The following WDR72 variants were observed in gnomAD, a reference collection of about 807,000 sequenced individuals.
WDR72 encodes the protein WD repeat domain 72, also known as WD repeat-containing protein 72.
WDR72 carries 120 observed loss-of-function variants against 124.2 expected under a neutral mutation model. The ratio of observed to expected loss-of-function variants is 0.97; its 90% CI spans 0.83 to 1.12. The LOEUF (loss-of-function observed/expected upper bound fraction) is 1.12, where lower values mean the gene tolerates loss of function less well. Among genes scored for constraint, WDR72 ranks in the 50% most tolerant of loss-of-function variants. The pLI is 0.00. For synonymous variants in WDR72, 452 were observed against 441.7 expected, an observed-to-expected ratio of 1.02 and a Z score of -0.29; for missense variants, 1,387 against 1,278.8, an observed-to-expected ratio of 1.08 and a Z score of -1.29.
At chr15:53,705,340 C>T in intron 10 of WDR72, 107 bp from the exon 11 acceptor site, 1 of 1,009,722 alleles carries the variant, frequency 9.9e-7, no homozygotes, top group Non-Finnish European at 1.5e-6. Flanking sequence ...AGTGTTACAG[C>T]CTATCCCAGA....
intron 17 of WDR72, among the ~76,000 whole-genome samples, chr15:53,603,978 T>C (rs2013161008): frequency 6.6e-6 from 1 of 152,156 alleles, no homozygotes; most frequent in Non-Finnish European, 1.5e-5. Flanking sequence ...TAGAAAAAAC[T>C]ATCTTAAAAT....
rs1358266311 is a variant in WDR72, at chr15:53,587,229, G to A, written c.3148+9850C>T. Among the ~76,000 whole-genome samples, 6 of 151,914 alleles carry A rather than the reference G, an allele frequency of 3.9e-5. No homozygotes were observed. The East Asian group carries it at 1.2e-3, about 29-fold the overall frequency. ...TTTCCCAAGTCCAGAACATAACTTT[G>A]TTTTACATATAACTATGGAGGAATC... is the stretch of plus-strand genomic sequence containing the variant. On this transcript the variant is annotated intron_variant, in intron 18 of 19. Coordinates refer to ENST00000360509, the MANE Select transcript of WDR72 (RefSeq NM_182758.4).
At chr15:53,717,945 T>C (rs1393879452) in intron 3 of WDR72, among the ~76,000 whole-genome samples, 1 of 151,916 alleles carries the variant, frequency 6.6e-6, no homozygotes, top group African/African-American at 2.4e-5. Flanking sequence ...AAAAATAAGA[T>C]TGGGAGGAAG....
intron 14 of WDR72, among the ~76,000 whole-genome samples, chr15:53,649,597 C>G (rs1326347351): frequency 1.3e-5 from 2 of 151,780 alleles, no homozygotes; most frequent in Non-Finnish European, 2.9e-5. Context: ...GCAAAAAACC[C>G]TAATAATAAA....
intron 18 of WDR72, among the ~76,000 whole-genome samples, chr15:53,575,169 T>C (rs1338255247): frequency 6.6e-6 from 1 of 151,956 alleles, no homozygotes; most frequent in Non-Finnish European, 1.5e-5. Context: ...AGTACTACCA[T>C]ATCGTATGTT....
intron 3 of WDR72, 102 bp from the exon 4 acceptor site, chr15:53,716,787 G>A (rs2017724976): frequency 2.1e-6 from 1 of 482,174 alleles, no homozygotes; most frequent in Non-Finnish European, 3.9e-6. Context: ...GATCATTTAT[G>A]TGGCTTTTTG....
At chr15:53,546,523 G>A (rs553163759) in intron 18 of WDR72, among the ~76,000 whole-genome samples, 1 of 151,550 alleles carries the variant, frequency 6.6e-6, no homozygotes, top group Non-Finnish European at 1.5e-5. Context: ...GTGGGGTGGG[G>A]GGAGAGGGGA....
chr15:53,710,851 C>G lies in WDR72; in HGVS notation c.954+6G>C. ...CTTTGAGGCAGTCACTCTTTTCTTG[C>G]ATTACCTTATTTTCCTGCACAGAAG... On this transcript the variant is annotated splice_donor_region_variant and intron_variant, in intron 9 of 19. Transcript: ENST00000360509. The G allele has an allele frequency of 6.2e-7, 1 of 1,604,728 alleles. No homozygotes were observed. Among genetic ancestry groups the G allele is most frequent in the Non-Finnish European group, 8.5e-7 (1 of 1,171,568 alleles).
chr15:53,668,333 G>C (rs1269593211), intron 13 of WDR72, among the ~76,000 whole-genome samples: 1 of 152,208 alleles, frequency 6.6e-6, no homozygotes, highest in Non-Finnish European at 1.5e-5. Flanking sequence ...GATATAGACA[G>C]ACAGATAAAT....
intron 3 of WDR72, among the ~76,000 whole-genome samples, chr15:53,718,032 G>T (rs1317948989): frequency 6.6e-6 from 1 of 152,102 alleles, no homozygotes; most frequent in African/African-American, 2.4e-5. Flanking sequence ...ATATTGCAAA[G>T]GTAAAGTAAT....
intron 18 of WDR72, among the ~76,000 whole-genome samples, chr15:53,529,232 G>A (rs1396221093): frequency 1.4e-5 from 2 of 147,628 alleles, no homozygotes; most frequent in African/African-American, 2.5e-5. Context: ...AGTTCCCAGA[G>A]AGGGAATGTG....
intron 18 of WDR72, among the ~76,000 whole-genome samples, chr15:53,545,376 G>A (rs1243304307): frequency 1.3e-5 from 2 of 149,380 alleles, no homozygotes; most frequent in South Asian, 2.1e-4. Context: ...GCAACTATCT[G>A]ATCTTTGACA....
intron 14 of WDR72, among the ~76,000 whole-genome samples, chr15:53,639,115 A>T (rs2014736111): frequency 6.6e-6 from 1 of 152,088 alleles, no homozygotes; most frequent in Non-Finnish European, 1.5e-5. Context: ...TTATATCTAG[A>T]TACTACCTTT....
intron 9 of WDR72, among the ~76,000 whole-genome samples, chr15:53,708,069 C>T (rs559538811): frequency 1.1e-4 from 16 of 152,250 alleles, no homozygotes; most frequent in African/African-American, 3.6e-4. Context: ...TCACACTCAC[C>T]GCTTGGTCCC....
At chr15:53,688,866 G>A (rs1435835392) in intron 13 of WDR72, among the ~76,000 whole-genome samples, 1 of 152,054 alleles carries the variant, frequency 6.6e-6, no homozygotes, top group Non-Finnish European at 1.5e-5. Context: ...CCAAAACAGA[G>A]ATATAGATCA....
At chr15:53,740,491 C>G (rs993408921) in intron 1 of WDR72, among the ~76,000 whole-genome samples, 3 of 152,062 alleles carry the variant, frequency 2.0e-5, no homozygotes, top group South Asian at 4.2e-4. Context: ...GTATTTTTAG[C>G]AGAGAACGGG....
rs2018951055 is a variant in WDR72 at position 53,757,816 on chromosome 15, T to C, written c.-13+1817A>G. Among the ~76,000 whole-genome samples the C allele has an allele frequency of 2.6e-5, 4 of 152,182 alleles. No homozygotes were observed. In the South Asian group the frequency reaches 8.3e-4, roughly 32 times the overall value. On this transcript the variant is annotated intron_variant, in intron 1 of 19. Transcript: ENST00000360509. ...AATCTTAAAATCTTACTGATACCAT[T>C]ATTTTCAAGGTTCCTTTAAGTTATT...
At chr15:53,633,695 T>A (rs1249664741) in intron 14 of WDR72, among the ~76,000 whole-genome samples, 2 of 152,138 alleles carry the variant, frequency 1.3e-5, no homozygotes, top group African/African-American at 4.8e-5. Flanking sequence ...AGTCTATCTA[T>A]CAGAAACAGA....
At chr15:53,598,753 A>G (rs1457051638) in intron 17 of WDR72, among the ~76,000 whole-genome samples, 1 of 152,234 alleles carries the variant, frequency 6.6e-6, no homozygotes, top group African/African-American at 2.4e-5. Context: ...CATACCATGC[A>G]TACTAACATG....
Sources: gnomAD v4.1 joint callset for allele counts (sites outside exome capture counted in the v4.1 genomes callset) on GRCh38, gnomAD v4.1.1 for gene constraint, MANE v1.5 for transcripts, NCBI Gene and HGNC (gene_info 2026-07-23, HGNC 2026-07-21) for gene names.